MCC: variants seen among roughly 807,000 people sequenced by gnomAD.
MCC encodes MCC regulator of Wnt signaling pathway, also known as colorectal mutant cancer protein.
Under a neutral mutation model 116.2 loss-of-function variants are expected in MCC, and 90 were observed. The ratio of observed to expected loss-of-function variants is 0.77; its 90% CI spans 0.65 to 0.92. MCC has a LOEUF of 0.92. MCC is among the 40% of genes least tolerant of loss of function. The probability of loss-of-function intolerance (pLI) is 0.00; values close to 1 mark genes in which losing one functional copy is unlikely to be tolerated. For synonymous variants in MCC, 578 were observed against 510.5 expected (o/e 1.13, Z -1.78); for missense variants, 1,516 against 1,312.2 (o/e 1.16, Z -2.40).
intron 3 of MCC, among the ~76,000 whole-genome samples, chr5:113,156,701 T>C (rs1014791806): frequency 6.6e-6 from 1 of 152,000 alleles, no homozygotes; most frequent in African/African-American, 2.4e-5. Flanking sequence ...GCATGAAGGA[T>C]ATAGATCCAC....
At chr5:113,385,825 A>T (rs547146164) in intron 1 of MCC, among the ~76,000 whole-genome samples, 2 of 152,228 alleles carry the variant, frequency 1.3e-5, no homozygotes, top group Non-Finnish European at 2.9e-5. Flanking sequence ...AAGAGCAGGG[A>T]TCAAAATCTC....
chr5:113,060,213 T>C (rs749229863), intron 14 of MCC, among the ~76,000 whole-genome samples: 6 of 152,100 alleles, frequency 3.9e-5, no homozygotes, highest in African/African-American at 7.2e-5. Context: ...TGGAGTGCAA[T>C]AGCATGATTT....
chr5:113,482,533 G>A (rs1412016468), intron 1 of MCC, among the ~76,000 whole-genome samples: 1 of 152,140 alleles, frequency 6.6e-6, no homozygotes, highest in Non-Finnish European at 1.5e-5. Context: ...CTTTTCGTGT[G>A]CATATTGGCT....
chr5:113,283,246 A>G (rs1018790404), intron 3 of MCC, among the ~76,000 whole-genome samples: 30 of 152,260 alleles, frequency 2.0e-4, no homozygotes. Context: ...CAATATGGAG[A>G]AAATAAAAAA....
rs142357309 is a variant in MCC, at chr5:113,043,556, A to G, written c.2730T>C (p.Ala910=). Residue 910 remains alanine, a synonymous_variant, in exon 17 of 19, where the codon GCT becomes GCC. Transcript: ENST00000408903. The part of the protein sequence containing the change: ...LRTTCSENEL[A]AEFTNAIRRE... ...GACGAATGGCGTTGGTGAACTCCGCAGCCAGCTCATTCTCGCTGCACGTTG... is the reference window on the plus strand; with the variant it reads ...GACGAATGGCGTTGGTGAACTCCGCGGCCAGCTCATTCTCGCTGCACGTTG... 3 of 1,614,148 alleles carry G rather than the reference A, an allele frequency of 1.9e-6. No individual in the cohort carries two copies. Among genetic ancestry groups the G allele is most frequent in the Non-Finnish European group, 2.5e-6 (3 of 1,180,026 alleles).
In MCC at chr5:113,082,846, C is replaced by A; in HGVS notation, c.1784+14G>T. 6.2e-7 allele frequency: 1 copy of A among 1,611,536 alleles called. No homozygotes were observed. The highest frequency in any genetic ancestry group is 8.5e-7 in the Non-Finnish European group (1 of 1,178,988). ...TCCCTGCCCCACAATCAAATCGATA[C>A]GATCTCTCCTCACCTATTCAGCCGT... On this transcript the variant is annotated intron_variant, in intron 11 of 18. Coordinates refer to ENST00000408903, the MANE Select transcript of MCC (RefSeq NM_001085377.2).
rs190935040 is a variant in MCC, at chr5:113,141,063, C to T, written c.884+2155G>A. ...CACCCTTAGTGTGTGTGGGCACCAT[C>T]CAACTGGCTAGGGGTCTGGATAGAA... On this transcript the variant is annotated intron_variant, in intron 5 of 18. Transcript: ENST00000408903. Among the ~76,000 whole-genome samples the T allele has an allele frequency of 5.1e-4, 78 of 152,234 alleles. No individual in the cohort carries two copies. In the East Asian group the frequency reaches 0.015, roughly 29 times the overall value.
intron 2 of MCC, among the ~76,000 whole-genome samples, chr5:113,373,528 T>C (rs1768892721): frequency 6.6e-6 from 1 of 152,254 alleles, no homozygotes; most frequent in South Asian, 2.1e-4. Flanking sequence ...ACTTACATTT[T>C]AATATATGGG....
chr5:113,486,958 C>T (rs941571652), intron 1 of MCC, among the ~76,000 whole-genome samples: 8 of 152,038 alleles, frequency 5.3e-5, no homozygotes, highest in African/African-American at 1.9e-4. Flanking sequence ...ATTTCTTTTA[C>T]TCCCAGAACC....
chr5:113,382,154 C>A (rs1769140530), intron 2 of MCC, among the ~76,000 whole-genome samples: 1 of 152,072 alleles, frequency 6.6e-6, no homozygotes, highest in Non-Finnish European at 1.5e-5. Flanking sequence ...GAGGGTTTCC[C>A]TCCACCCCCA....
chr5:113,113,338 T>A (rs1348631473), intron 6 of MCC, among the ~76,000 whole-genome samples: 1 of 152,216 alleles, frequency 6.6e-6, no homozygotes, highest in Non-Finnish European at 1.5e-5. Context: ...AAGGCCCTCT[T>A]TAATTCCATC....
chr5:113,171,912 G>A (rs77907659), intron 3 of MCC, among the ~76,000 whole-genome samples: 5,752 of 152,210 alleles, frequency 0.038, 160 homozygotes, highest in African/African-American at 0.065. Flanking sequence ...TCACCCTCAT[G>A]ATCCATCTCC....
chr5:113,043,670 A>G (rs1212929365), intron 16 of MCC, 40 bp from the exon 17 acceptor site: 1 of 1,463,820 alleles, frequency 6.8e-7, no homozygotes, highest in Non-Finnish European at 9.6e-7. Context: ...CCTGAATCCA[A>G]GCCGGCAGCA....
At position 113,194,330 on chromosome 5, in the gene MCC, T is replaced by C. The variant is rs116500268; in HGVS notation, c.628-42908A>G. Among the ~76,000 whole-genome samples the C allele has an allele frequency of 2.9e-3, 439 of 152,216 alleles. 3 individuals carry two copies. The highest frequency in any genetic ancestry group is 0.01 in the African/African-American group (427 of 41,528). On this transcript the variant is annotated intron_variant, in intron 3 of 18. Transcript: ENST00000408903. ...CTGTTGAATCAGTTAAAGTCCAACA[T>C]TGCCCCATAGAAGAGAGAAAAACAA...
At chr5:113,350,030 A>T (rs1005512389) in intron 2 of MCC, among the ~76,000 whole-genome samples, 1 of 152,098 alleles carries the variant, frequency 6.6e-6, no homozygotes, top group Non-Finnish European at 1.5e-5. Flanking sequence ...CACTGATGAA[A>T]GAAATTGAAG....
chr5:113,198,790 T>C (rs1303503274), intron 3 of MCC, among the ~76,000 whole-genome samples: 1 of 151,578 alleles, frequency 6.6e-6, no homozygotes, highest in Non-Finnish European at 1.5e-5. Context: ...TGGCACAAGA[T>C]TCAGGAGAGA....
chr5:113,257,030 A>C (rs1248297393), intron 3 of MCC, among the ~76,000 whole-genome samples: 2 of 152,138 alleles, frequency 1.3e-5, no homozygotes, highest in Non-Finnish European at 2.9e-5. Flanking sequence ...CCCTTCCATT[A>C]CATCTCGTTG....
intron 3 of MCC, among the ~76,000 whole-genome samples, chr5:113,206,706 C>CA (rs1174949315): frequency 1.3e-5 from 2 of 151,972 alleles, no homozygotes; most frequent in Non-Finnish European, 1.5e-5. Context: ...GAGACTGTCT[C>CA]AAAAAAATAA....
chr5:113,099,958 G>C (rs188003660), intron 8 of MCC, among the ~76,000 whole-genome samples: 1 of 152,246 alleles, frequency 6.6e-6, no homozygotes, highest in East Asian at 1.9e-4. Flanking sequence ...ATAATCATCG[G>C]GGAGTGTAAC....
Sources: allele counts gnomAD v4.1 joint callset (sites outside exome capture counted in the v4.1 genomes callset), GRCh38; gene constraint gnomAD v4.1.1; transcripts MANE v1.5; gene names NCBI Gene and HGNC (gene_info 2026-07-23, HGNC 2026-07-21).